SEMA3A: variants seen among roughly 807,000 people sequenced by gnomAD.
SEMA3A encodes the protein semaphorin-3A.
In SEMA3A, 29 loss-of-function variants were observed where a neutral mutation model predicts 97.9. The ratio of observed to expected loss-of-function variants is 0.30; its 90% CI spans 0.22 to 0.40. The LOEUF is 0.40. Ranked by LOEUF, SEMA3A falls within the 10% of genes least tolerant of loss-of-function variation. The probability of loss-of-function intolerance (pLI) is 1.00; values close to 1 mark genes in which losing one functional copy is unlikely to be tolerated. For missense variants in SEMA3A, 763 were observed against 951.3 expected, an observed-to-expected ratio of 0.80 and a Z score of 2.60; for synonymous variants, 321 against 323.7, an observed-to-expected ratio of 0.99 and a Z score of 0.09.
rs1351299501 is a variant in SEMA3A at position 83,957,104 on chromosome 7, G to C, written c.*4267C>G. On this transcript the variant is annotated 3_prime_UTR_variant, in exon 17 of 17. Transcript: ENST00000265362. Reference sequence around the variant, plus strand: ...CTCAAGGAGCTCACAGTCTAGAAATGGAGATGGAAACATAAACAAATAAAT... The same window carrying C: ...CTCAAGGAGCTCACAGTCTAGAAATCGAGATGGAAACATAAACAAATAAAT... 6.6e-6 allele frequency: 1 copy of C among 152,420 alleles called. No individual in the cohort carries two copies. Among genetic ancestry groups the C allele is most frequent in the Non-Finnish European group, 1.5e-5 (1 of 68,336 alleles). 9.4% of individuals were successfully genotyped at this position (152,420 alleles called of 1,614,324 possible).
At chr7:84,134,974 AT>A (rs1347331744) in intron 1 of SEMA3A, 23 bp from the exon 2 acceptor site, 1 of 1,607,866 alleles carries the variant, frequency 6.2e-7, no homozygotes, top group Non-Finnish European at 8.5e-7. Flanking sequence ...AAAGCAAAAC[AT>A]TGGGTATTAA....
At chr7:84,482,002 G>A (rs1452799222) in intron 1 of SEMA3A, among the ~76,000 whole-genome samples, 1 of 151,540 alleles carries the variant, frequency 6.6e-6, no homozygotes, top group Admixed American at 6.6e-5. Context: ...GAGTAATATA[G>A]CTTCTACCTA....
At chr7:84,151,661 ACT>A (rs1796676007) in intron 1 of SEMA3A, among the ~76,000 whole-genome samples, 1 of 152,178 alleles carries the variant, frequency 6.6e-6, no homozygotes, top group Non-Finnish European at 1.5e-5. Context: ...GTTGGAAAAC[ACT>A]CTGCAGGCAA....
At chr7:84,258,755 T>C (rs1198037541) in intron 3 of SEMA3A, among the ~76,000 whole-genome samples, 2 of 152,162 alleles carry the variant, frequency 1.3e-5, no homozygotes, top group Non-Finnish European at 2.9e-5. Context: ...AATGAGAAAA[T>C]GGTGCAATCA....
intron 11 of SEMA3A, among the ~76,000 whole-genome samples, chr7:84,002,316 T>C (rs1388878087): frequency 2.0e-5 from 3 of 152,178 alleles, no homozygotes; most frequent in Non-Finnish European, 4.4e-5. Flanking sequence ...GGTTTTATCA[T>C]GAGACTGCAT....
At position 84,178,004 on chromosome 7, in the gene SEMA3A, C is replaced by T. The variant is rs543013810; in HGVS notation, c.112+16471G>A. 5.3e-5 allele frequency among the ~76,000 whole-genome samples: 8 copies of T among 152,242 alleles called. No individual in the cohort carries two copies. In the East Asian group the frequency reaches 1.5e-3, roughly 29 times the overall value. ...AGACAAAGAGAATAATAGAAAGTCA[C>T]ACACAACAATTACTATGTAATTCAT... On this transcript the variant is annotated intron_variant, in intron 1 of 16. Coordinates refer to ENST00000265362, the MANE Select transcript of SEMA3A (RefSeq NM_006080.3).
chr7:84,300,435 A>G (rs957163439), intron 3 of SEMA3A, among the ~76,000 whole-genome samples: 2 of 152,144 alleles, frequency 1.3e-5, no homozygotes, highest in African/African-American at 4.8e-5. Context: ...AATATCAGTG[A>G]TAAAAATAAA....
At position 84,438,680 on chromosome 7, in the gene SEMA3A, A is replaced by G. The variant is rs17159039; in HGVS notation, c.-246+53780T>C. ...TGATCTGAGTAAGGACAAGGACTTGATATGTTAAAGACTTCTGTATGGTAA... is the reference window on the plus strand; with the variant it reads ...TGATCTGAGTAAGGACAAGGACTTGGTATGTTAAAGACTTCTGTATGGTAA... On this transcript the variant is annotated intron_variant, in intron 1 of 3. Transcript: ENST00000424555. Among the ~76,000 whole-genome samples, 2,042 of 152,106 alleles carry G rather than the reference A, an allele frequency of 0.013. 94 individuals are homozygous for G. The East Asian group carries it at 0.16, about 12-fold the overall frequency.
intron 4 of SEMA3A, among the ~76,000 whole-genome samples, chr7:84,086,676 T>C (rs1794386854): frequency 6.8e-6 from 1 of 146,954 alleles, no homozygotes; most frequent in Non-Finnish European, 1.5e-5. Flanking sequence ...TATATGTATA[T>C]ATATGGAATA....
upstream of SEMA3A, among the ~76,000 whole-genome samples, chr7:84,195,912 A>T (rs931755965): frequency 6.6e-6 from 1 of 152,212 alleles, no homozygotes; most frequent in Non-Finnish European, 1.5e-5. Context: ...ACGTATAGGC[A>T]TGTATTCAGG....
At chr7:84,006,146 G>GTATT (rs1357399079) in intron 10 of SEMA3A, among the ~76,000 whole-genome samples, 1 of 151,888 alleles carries the variant, frequency 6.6e-6, no homozygotes, top group East Asian at 1.9e-4. Flanking sequence ...AATAAGTGAA[G>GTATT]TATTTGACAT....
At chr7:84,383,076 C>A (rs1803308750) in intron 1 of SEMA3A, among the ~76,000 whole-genome samples, 1 of 152,032 alleles carries the variant, frequency 6.6e-6, no homozygotes. Flanking sequence ...TTAAAAAATT[C>A]TCTCTAAAGT....
chr7:84,017,194 T>C lies in SEMA3A; in HGVS notation c.668-2843A>G, dbSNP rs145407060. On this transcript the variant is annotated intron_variant, in intron 6 of 16. Transcript: ENST00000265362. ...ATAGATTCTTATGTTCTCTTGGTGT[T>C]TGGGCATGAGTGAAGGTGTCATTGA... is the stretch of plus-strand genomic sequence containing the variant. Among the ~76,000 whole-genome samples the C allele has an allele frequency of 2.7e-3, 414 of 152,308 alleles. 2 individuals are homozygous for C. Among genetic ancestry groups the C allele is most frequent in the African/African-American group, 9.2e-3 (381 of 41,562 alleles).
chr7:84,069,838 T>C (rs1793674466), intron 4 of SEMA3A, among the ~76,000 whole-genome samples: 1 of 152,154 alleles, frequency 6.6e-6, no homozygotes, highest in East Asian at 1.9e-4. Context: ...GCTGTTTCTG[T>C]TATCTAATGA....
chr7:84,198,320 C>A (rs566364851), upstream of SEMA3A, among the ~76,000 whole-genome samples: 83 of 152,126 alleles, frequency 5.5e-4, no homozygotes, highest in African/African-American at 2.0e-3. Flanking sequence ...CTCAGCCTCC[C>A]GAGTAGCTGG....
At chr7:83,996,686 G>A (rs1790234698) in intron 12 of SEMA3A, among the ~76,000 whole-genome samples, 1 of 129,316 alleles carries the variant, frequency 7.7e-6, no homozygotes, top group South Asian at 2.2e-4. Flanking sequence ...GGAAATTGAG[G>A]CTCAATTGAC....
chr7:84,112,583 A>G lies in SEMA3A; in HGVS notation c.334-1994T>C, dbSNP rs3801646. On this transcript the variant is annotated intron_variant, in intron 3 of 16. Transcript: ENST00000265362. Reference sequence around the variant, plus strand: ...TGTGAACAAAACAAAGGTTCATGTCACCTCTGCAACTGTTATGAATCATAA... The same window carrying G: ...TGTGAACAAAACAAAGGTTCATGTCGCCTCTGCAACTGTTATGAATCATAA... Among the ~76,000 whole-genome samples, 812 of 152,282 alleles carry G rather than the reference A, an allele frequency of 5.3e-3. 6 individuals carry two copies. Among genetic ancestry groups the G allele is most frequent in the East Asian group, 0.016 (85 of 5,168 alleles).
intron 1 of SEMA3A, among the ~76,000 whole-genome samples, chr7:84,148,294 T>C (rs1164994627): frequency 6.6e-6 from 1 of 152,094 alleles, no homozygotes; most frequent in Non-Finnish European, 1.5e-5. Flanking sequence ...CCTAGCTATG[T>C]CCTGCACCTT....
intron 14 of SEMA3A, among the ~76,000 whole-genome samples, chr7:83,977,762 T>C (rs968030848): frequency 7.3e-5 from 11 of 151,674 alleles, no homozygotes; most frequent in Admixed American, 2.6e-4. Context: ...TAAAATTTCT[T>C]TTCTTGGTTA....
Sources: gnomAD v4.1 joint callset for allele counts (sites outside exome capture counted in the v4.1 genomes callset) on GRCh38, gnomAD v4.1.1 for gene constraint, MANE v1.5 for transcripts, NCBI Gene and HGNC (gene_info 2026-07-23, HGNC 2026-07-21) for gene names.